Variants in PMFBP1 observed in about 807,000 individuals in gnomAD.
PMFBP1 encodes polyamine-modulated factor 1-binding protein 1.
In PMFBP1, 131 loss-of-function variants were observed where a neutral mutation model predicts 137.8. That is an observed-to-expected ratio of 0.95 (90% confidence interval 0.82 to 1.10). PMFBP1 has a LOEUF of 1.10. Ranked by LOEUF, PMFBP1 falls within the 50% of genes least tolerant of loss-of-function variation. PMFBP1 has a pLI of 0.00. For missense variants in PMFBP1, 1,199 were observed against 1,175.4 expected (o/e 1.02, Z -0.29); for synonymous variants, 490 against 450.4 (o/e 1.09, Z -1.11).
At chr16:72,157,508 G>C (rs1424902530) in intron 3 of PMFBP1, among the ~76,000 whole-genome samples, 3 of 152,174 alleles carry the variant, frequency 2.0e-5, no homozygotes, top group Non-Finnish European at 4.4e-5. Flanking sequence ...TATTTGAGGA[G>C]CCCCAGGGGT....
At chr16:72,207,317 A>AT in the PMFBP1 span, among the ~76,000 whole-genome samples, 1 of 152,162 alleles carries the variant, frequency 6.6e-6, no homozygotes, top group Non-Finnish European at 1.5e-5. Context: ...AGGGCTTGTG[A>AT]TTAATTGGAT....
chr16:72,122,440 C>T (rs921434533), intron 19 of PMFBP1, among the ~76,000 whole-genome samples: 3 of 152,194 alleles, frequency 2.0e-5, no homozygotes, highest in African/African-American at 7.2e-5. Flanking sequence ...TTAGTGGACC[C>T]AGCTTTGACC....
intron 3 of PMFBP1, among the ~76,000 whole-genome samples, chr16:72,162,711 AC>A (rs2043082699): frequency 6.6e-6 from 1 of 152,218 alleles, no homozygotes; most frequent in East Asian, 1.9e-4. Flanking sequence ...AAGCTGTTAG[AC>A]CTTCTTCTGG....
At chr16:72,122,846 C>G in intron 19 of PMFBP1, 68 bp downstream of exon 19, 2 of 1,476,762 alleles carry the variant, frequency 1.4e-6, no homozygotes, top group Non-Finnish European at 9.4e-7. Context: ...CTAAAGCCAG[C>G]CCTGGCTCCC....
upstream of PMFBP1, among the ~76,000 whole-genome samples, chr16:72,177,195 G>A (rs926402525): frequency 3.3e-5 from 5 of 152,008 alleles, no homozygotes; most frequent in East Asian, 1.9e-4. Flanking sequence ...CTTTCTTTAC[G>A]AGATATATTC....
At chr16:72,180,077 C>T (rs536527964), upstream of PMFBP1, among the ~76,000 whole-genome samples, 8 of 152,276 alleles carry the variant, frequency 5.3e-5, no homozygotes, top group Admixed American at 3.3e-4. Context: ...GGTCCTTTCC[C>T]GCACAGTACA....
chr16:72,183,880 T>A, the PMFBP1 span, among the ~76,000 whole-genome samples: 119 of 152,254 alleles, frequency 7.8e-4, no homozygotes, highest in Middle Eastern at 6.8e-3. Context: ...TTTCCCCATA[T>A]TCACCTTGTC....
chr16:72,165,371 A>G (rs1019552791), intron 2 of PMFBP1, among the ~76,000 whole-genome samples: 1 of 152,140 alleles, frequency 6.6e-6, no homozygotes, highest in Non-Finnish European at 1.5e-5. Flanking sequence ...CACTAGACCA[A>G]AAAATGTCCC....
chr16:72,229,224 T>C, the PMFBP1 span, among the ~76,000 whole-genome samples: 1 of 152,210 alleles, frequency 6.6e-6, no homozygotes, highest in East Asian at 1.9e-4. Flanking sequence ...ATGGTATATA[T>C]GTACCACACT....
the PMFBP1 span, among the ~76,000 whole-genome samples, chr16:72,202,899 A>G: frequency 1.3e-5 from 2 of 152,210 alleles, no homozygotes; most frequent in Admixed American, 1.3e-4. Flanking sequence ...GCAGGGACTG[A>G]TATGACAAAC....
In PMFBP1 at chr16:72,125,134, T is replaced by TA; in HGVS notation, c.2421+103dup. The TA allele has an allele frequency of 2.7e-6, 4 of 1,465,102 alleles. No individual in the cohort carries two copies. In the Admixed American group the frequency reaches 8.5e-5, roughly 31 times the overall value. The allele number at this position is 1,465,102 out of a possible 1,614,324, so 90.8% of individuals were successfully genotyped here. A position where few individuals can be genotyped will look rare whatever the true frequency, so the allele number is the denominator to read the frequency against. The stretch of plus-strand genomic sequence containing the variant: ...GGGAGCCAAGAAAGTGGAGGGAACC[T>TA]AGCAGCCCAAGGGAATGACTTAGTG... On this transcript the variant is annotated intron_variant, in intron 16 of 20. Transcript: ENST00000237353.
At chr16:72,208,666 T>C in the PMFBP1 span, among the ~76,000 whole-genome samples, 1 of 152,232 alleles carries the variant, frequency 6.6e-6, no homozygotes, top group African/African-American at 2.4e-5. Flanking sequence ...AAGGATATTA[T>C]CAAAGTTAAT....
chr16:72,148,760 T>C (rs1228139195), intron 5 of PMFBP1, among the ~76,000 whole-genome samples: 1 of 152,246 alleles, frequency 6.6e-6, no homozygotes, highest in Middle Eastern at 3.2e-3. Context: ...TTATGAATAG[T>C]GCTCAATCCT....
chr16:72,152,805 A>C (rs1183213422), intron 4 of PMFBP1, among the ~76,000 whole-genome samples: 1 of 149,054 alleles, frequency 6.7e-6, no homozygotes, highest in Non-Finnish European at 1.5e-5. Context: ...AGATCGGGCC[A>C]ATGCATCCCA....
intron 6 of PMFBP1, 68 bp downstream of exon 6, chr16:72,140,344 C>T: frequency 2.1e-6 from 3 of 1,453,738 alleles, no homozygotes; most frequent in Non-Finnish European, 2.9e-6. Flanking sequence ...GACTCTTTTC[C>T]CCTCCTTTCT....
rs75415492 is a variant in PMFBP1, at chr16:72,125,546, G to A, written c.2254-141C>T. ...CGGTCACCTTGCCTAGTCTCCCAGA[G>A]AGGGGTGGGAAATGACAGTGGTTGG... On this transcript the variant is annotated intron_variant, in intron 15 of 20. Transcript: ENST00000237353. 9.5e-3 allele frequency: 9,163 copies of A among 963,526 alleles called. 526 individuals are homozygous for A. The African/African-American group carries it at 0.13, about 14-fold the overall frequency. The allele number at this position is 963,526 out of a possible 1,614,324, so 59.7% of individuals were successfully genotyped here.
At chr16:72,141,871 C>A (rs2042728377) in intron 5 of PMFBP1, among the ~76,000 whole-genome samples, 1 of 152,148 alleles carries the variant, frequency 6.6e-6, no homozygotes, top group South Asian at 2.1e-4. Flanking sequence ...CTAACACTGT[C>A]ATCAACATGA....
In PMFBP1 at chr16:72,128,536, G is replaced by T. The variant is rs1285094948; in HGVS notation, c.2088+121C>A. On this transcript the variant is annotated intron_variant, in intron 14 of 20. Coordinates refer to ENST00000237353, the MANE Select transcript of PMFBP1 (RefSeq NM_031293.3). The stretch of plus-strand genomic sequence containing the variant: ...GGGAAGTAGAGCTGTAGGTGGCCCA[G>T]GATCCGCAGTTGGCTGAGCAGTTAG... The T allele has an allele frequency of 2.5e-6, 4 of 1,584,246 alleles. No homozygotes were observed. The South Asian group carries it at 4.6e-5, about 18-fold the overall frequency.
In PMFBP1 at chr16:72,123,586, G is replaced by C. The variant is rs2042409004; in HGVS notation, c.2653C>G (p.Gln885Glu). 6.2e-7 allele frequency: 1 copy of C among 1,614,030 alleles called. No individual in the cohort carries two copies. The highest frequency in any genetic ancestry group is 1.3e-5 in the African/African-American group (1 of 74,936). ...DTCRLYRGND[Q>E]IMTNLEQWAK... ...CATTGCTCCAAGTTGGTCATAATCT[G>C]ATCATTCCCTCGGTAGAGCCTACAG... The change falls in exon 18 of 21, where the codon CAG becomes GAG. Residue 885 changes from glutamine to glutamate, a missense_variant. Physicochemically the swap from Gln to Glu is conservative, Grantham distance 29. Transcript: ENST00000237353.
Sources: gnomAD v4.1 joint callset for allele counts (sites outside exome capture counted in the v4.1 genomes callset) on GRCh38, gnomAD v4.1.1 for gene constraint, MANE v1.5 for transcripts, NCBI Gene and HGNC (gene_info 2026-07-23, HGNC 2026-07-21) for gene names.